Variants in EVC2 observed in about 807,000 individuals in gnomAD.
The protein encoded by EVC2 is EvC ciliary complex subunit 2.
In EVC2, 148 loss-of-function variants were observed where a neutral mutation model predicts 149.3. The ratio of observed to expected loss-of-function variants is 0.99; its 90% confidence interval spans 0.87 to 1.14. The LOEUF (loss-of-function observed/expected upper bound fraction) is 1.14. Ranked by LOEUF, EVC2 falls within the 50% of genes most tolerant of loss-of-function variation. EVC2 has a pLI of 0.00. For synonymous variants in EVC2, 776 were observed against 649.9 expected (o/e 1.19, Z -2.95); for missense variants, 1,854 against 1,627.3 (o/e 1.14, Z -2.40).
chr4:5,650,257 C>G (rs6848291), intron 9 of EVC2, among the ~76,000 whole-genome samples: 103,884 of 151,616 alleles, frequency 0.69, 36,165 homozygotes, highest in African/African-American at 0.82. Context: ...TGACAGAAGG[C>G]TCAGCCCTGG....
At chr4:5,648,352 A>T (rs930534587) in intron 9 of EVC2, among the ~76,000 whole-genome samples, 5 of 152,214 alleles carry the variant, frequency 3.3e-5, no homozygotes, top group African/African-American at 1.2e-4. Context: ...TAGGAAACTA[A>T]CACACCTTAC....
At chr4:5,560,337 A>C (rs2108763354), downstream of EVC2, among the ~76,000 whole-genome samples, 1 of 152,284 alleles carries the variant, frequency 6.6e-6, no homozygotes, top group East Asian at 1.9e-4. This position sits in a 1 kb window ranked among gnomAD's most constrained non-coding sequence, Gnocchi z 4.1. Context: ...GTAATTTATA[A>C]AGAAAAGAGG....
intron 21 of EVC2, among the ~76,000 whole-genome samples, chr4:5,556,369 T>C (rs1033239510): frequency 6.6e-6 from 1 of 151,912 alleles, no homozygotes; most frequent in African/African-American, 2.4e-5. Flanking sequence ...CTCAAGAGAA[T>C]GGTAAAAATA....
intron 1 of EVC2, among the ~76,000 whole-genome samples, chr4:5,707,619 C>T (rs752839070): frequency 6.6e-6 from 1 of 152,068 alleles, no homozygotes; most frequent in Non-Finnish European, 1.5e-5. Flanking sequence ...GTGGTGGGAC[C>T]TGAAGCCAGG....
chr4:5,551,302 T>C (rs1054254109), intron 21 of EVC2, among the ~76,000 whole-genome samples: 5 of 151,892 alleles, frequency 3.3e-5, no homozygotes, highest in African/African-American at 1.2e-4. Flanking sequence ...AGGGGTAGAG[T>C]TGCCCAAGAC....
intron 12 of EVC2, among the ~76,000 whole-genome samples, chr4:5,626,523 A>C (rs1246107434): frequency 5.3e-5 from 8 of 151,662 alleles, no homozygotes; most frequent in Admixed American, 5.3e-4. Context: ...TTTAGTAGAG[A>C]CGGGGTTTCA....
chr4:5,558,974 T>C (rs924269151), downstream of EVC2, among the ~76,000 whole-genome samples: 1 of 152,070 alleles, frequency 6.6e-6, no homozygotes, highest in Non-Finnish European at 1.5e-5. Context: ...GGGAGGATCA[T>C]TTGAGTCTTG....
rs1478286277 is a variant in EVC2, at chr4:5,637,967, A to G, written c.1470+2547T>C. 6.6e-6 allele frequency among the ~76,000 whole-genome samples: 1 copy of G among 152,188 alleles called. No individual in the cohort carries two copies. The highest frequency in any genetic ancestry group is 2.4e-5 in the African/African-American group (1 of 41,452). On this transcript the variant is annotated intron_variant, in intron 10 of 21. Transcript: ENST00000344408. The surrounding 1 kb of genome is among the most constrained non-coding windows in gnomAD (Gnocchi z 4.4). ...TAAAACTCTTTAAAAATGTAAAAAA[A>G]CATTCTCAACTTGCAGGCCACATAA...
chr4:5,654,689 G>A (rs772428221), intron 9 of EVC2, among the ~76,000 whole-genome samples: 8 of 152,312 alleles, frequency 5.3e-5, no homozygotes, highest in South Asian at 2.1e-4. Flanking sequence ...TGGCCTGGGC[G>A]TGCATGGTTA....
intron 10 of EVC2, among the ~76,000 whole-genome samples, chr4:5,639,489 T>C (rs528912749): frequency 5.0e-4 from 76 of 152,376 alleles, no homozygotes; most frequent in African/African-American, 1.8e-3. Context: ...AACTGAGCAC[T>C]GTGAGCTGAG....
At chr4:5,546,400 T>C (rs1275725995) in intron 21 of EVC2, among the ~76,000 whole-genome samples, 1 of 152,050 alleles carries the variant, frequency 6.6e-6, no homozygotes, top group Non-Finnish European at 1.5e-5. Flanking sequence ...AAATGATGAG[T>C]TCATGTCCTT....
chr4:5,650,781 A>T (rs1037872249), intron 9 of EVC2, among the ~76,000 whole-genome samples: 2 of 151,988 alleles, frequency 1.3e-5, no homozygotes, highest in African/African-American at 4.8e-5. Flanking sequence ...AAAGTCATAT[A>T]ACTATTAAAT....
intron 16 of EVC2, among the ~76,000 whole-genome samples, chr4:5,609,028 G>A (rs1340554117): frequency 1.3e-5 from 2 of 151,980 alleles, no homozygotes; most frequent in Non-Finnish European, 2.9e-5. Context: ...CTGGCCTTGG[G>A]TCTCTCAGAC....
At chr4:5,701,983 T>C (rs1431797216) in intron 1 of EVC2, among the ~76,000 whole-genome samples, 1 of 152,100 alleles carries the variant, frequency 6.6e-6, no homozygotes, top group Admixed American at 6.5e-5. Flanking sequence ...CCCGCCTGCC[T>C]GCTTGCCACT....
chr4:5,588,207 T>G (rs1401242781), intron 16 of EVC2, among the ~76,000 whole-genome samples: 1 of 152,242 alleles, frequency 6.6e-6, no homozygotes, highest in Admixed American at 6.5e-5. Context: ...TTTGAAGACA[T>G]TGCTCCATGT....
At chr4:5,626,708 A>G (rs1716143704) in intron 12 of EVC2, among the ~76,000 whole-genome samples, 1 of 152,132 alleles carries the variant, frequency 6.6e-6, no homozygotes, top group South Asian at 2.1e-4. Flanking sequence ...GACTCAGTAA[A>G]GCAGACGGCC....
intron 17 of EVC2, among the ~76,000 whole-genome samples, chr4:5,579,295 C>T (rs529779507): frequency 2.6e-5 from 4 of 152,266 alleles, no homozygotes; most frequent in Non-Finnish European, 5.9e-5. Context: ...CCTTCCTAAG[C>T]CTCAGCTCTT....
At position 5,613,953 on chromosome 4, in the gene EVC2, C is replaced by T. The variant is rs1031053093; in HGVS notation, c.2829+1469G>A. 2.6e-5 allele frequency among the ~76,000 whole-genome samples: 4 copies of T among 152,070 alleles called. No homozygotes were observed. ...TCGTGCATTCGTGTTCTGAGAAATA[C>T]ACCGGCACTAAAATAAAAACAAGCA... On this transcript the variant is annotated intron_variant, in intron 16 of 21. Coordinates refer to ENST00000344408, the MANE Select transcript of EVC2 (RefSeq NM_147127.5). The surrounding 1 kb of genome is among the most constrained non-coding windows in gnomAD (Gnocchi z 4.6).
At chr4:5,565,977 C>T (rs1722257835) in intron 20 of EVC2, among the ~76,000 whole-genome samples, 1 of 152,344 alleles carries the variant, frequency 6.6e-6, no homozygotes, top group Middle Eastern at 3.4e-3. Context: ...GACTTATATA[C>T]TGGCTGCCTC....
Sources: gnomAD v4.1 joint callset for allele counts (sites outside exome capture counted in the v4.1 genomes callset) on GRCh38, gnomAD v4.1.1 for gene constraint, Gnocchi (gnomAD v3.1) non-coding constraint, MANE v1.5 for transcripts, NCBI Gene and HGNC (gene_info 2026-07-23, HGNC 2026-07-21) for gene names.